The following PRH1 variants were observed in gnomAD, a reference collection of about 807,000 sequenced individuals.
PRH1 encodes salivary acidic proline-rich phosphoprotein 1/2.
Under a neutral mutation model 7.9 loss-of-function variants are expected in PRH1, and 7 were observed. That is an observed-to-expected ratio of 0.89 (90% CI 0.50 to 1.67). PRH1 has a LOEUF of 1.67. Among genes scored for constraint, PRH1 ranks in the 40% most tolerant of loss-of-function variants. The pLI, the probability that PRH1 is intolerant of heterozygous loss-of-function variation, is 0.00. For synonymous variants in PRH1, 45 were observed against 80.8 expected, an observed-to-expected ratio of 0.56 and a Z score of 2.38; for missense variants, 109 against 223.6, an observed-to-expected ratio of 0.49 and a Z score of 3.27.
At chr12:11,153,051 A>G (rs1211383167) in intron 1 of PRH1, among the ~76,000 whole-genome samples, 1 of 152,180 alleles carries the variant, frequency 6.6e-6, no homozygotes, top group African/African-American at 2.4e-5. Context: ...GCATGCGGTG[A>G]CACAACAGTT....
At chr12:10,922,512 G>T (rs563161792) in intron 2 of PRH1, among the ~76,000 whole-genome samples, 1 of 152,048 alleles carries the variant, frequency 6.6e-6, no homozygotes, top group Non-Finnish European at 1.5e-5. Flanking sequence ...CATGGAATCT[G>T]TTCTTTGTTA....
chr12:11,120,864 A>G (rs998973697), exon 2 of PRH1: 1 of 153,064 alleles, frequency 6.5e-6, no homozygotes, highest in Non-Finnish European at 1.5e-5. Flanking sequence ...TCTGAATTAC[A>G]GAGAACGGCT....
rs1941545453 is a variant in PRH1, at chr12:11,020,363, G to GATATATCTATATATATAT, written c.-126+26656_-126+26657insATATATATATAGATATAT. Among the ~76,000 whole-genome samples the GATATATCTATATATATAT allele has an allele frequency of 1.3e-3, 110 of 87,574 alleles. 2 individuals are homozygous for GATATATCTATATATATAT. The highest frequency in any genetic ancestry group is 8.8e-3 in the Middle Eastern group (1 of 114). 57.5% of individuals were successfully genotyped at this position (87,574 alleles called of 152,430 possible). On this transcript the variant is annotated intron_variant, in intron 1 of 3. Coordinates refer to the PRH1 transcript ENST00000539853. ...GTACTAGGGAGGACGTATGATAAGC[G>GATATATCTATATATATAT]ATATATATATATATATATATATATA... is the stretch of plus-strand genomic sequence containing the variant.
At chr12:11,102,469 C>CT (rs952288519) in intron 1 of PRH1, among the ~76,000 whole-genome samples, 2 of 142,308 alleles carry the variant, frequency 1.4e-5, no homozygotes, top group African/African-American at 5.2e-5. Flanking sequence ...ATAAATGGTG[C>CT]TGGAAAACTG....
chr12:10,997,935 G>T, intron 1 of PRH1: 1 of 1,081,794 alleles, frequency 9.2e-7, no homozygotes, highest in Non-Finnish European at 1.3e-6. Context: ...TGACTCCTCT[G>T]ATATTCAAGA....
intron 2 of PRH1, among the ~76,000 whole-genome samples, chr12:10,948,180 A>T (rs949231202): frequency 6.6e-6 from 1 of 152,246 alleles, no homozygotes; most frequent in African/African-American, 2.4e-5. Context: ...CTCTCTAGCA[A>T]GGTTGGGAAA....
At chr12:10,952,415 A>C (rs1937727595) in intron 2 of PRH1, among the ~76,000 whole-genome samples, 1 of 152,210 alleles carries the variant, frequency 6.6e-6, no homozygotes, top group Non-Finnish European at 1.5e-5. Context: ...TTTTCTGCAG[A>C]AAATGTAAAA....
Position 11,027,164 on chromosome 12 carries a change from C to T in PRH1, c.-126+19856G>A, listed in dbSNP as rs1202284429. Among the ~76,000 whole-genome samples, 8 of 150,880 alleles carry T rather than the reference C, an allele frequency of 5.3e-5. No individual in the cohort carries two copies. The East Asian group carries it at 9.7e-4, about 18-fold the overall frequency. On this transcript the variant is annotated intron_variant, in intron 1 of 3. Coordinates refer to the PRH1 transcript ENST00000539853. ...CCTGCAGTCCCAGCTGCTAGCAATG[C>T]AGAGGTGGGGGAATCACTTGAGCCC...
At chr12:11,151,967 C>T (rs766253236) in intron 1 of PRH1, among the ~76,000 whole-genome samples, 1 of 151,398 alleles carries the variant, frequency 6.6e-6, no homozygotes, top group Non-Finnish European at 1.5e-5. Context: ...GTAGCCAGAT[C>T]TAAAATTTTA....
At chr12:11,105,459 C>A (rs1322237244) in intron 1 of PRH1, among the ~76,000 whole-genome samples, 2 of 152,108 alleles carry the variant, frequency 1.3e-5, no homozygotes, top group African/African-American at 4.8e-5. Context: ...AGGAAAGCAT[C>A]TCAATATGCC....
intron 1 of PRH1, among the ~76,000 whole-genome samples, chr12:11,126,144 A>C (rs1222883299): frequency 6.6e-6 from 1 of 152,260 alleles, no homozygotes; most frequent in Non-Finnish European, 1.5e-5. Flanking sequence ...ATGTTACCAC[A>C]TCTTGGTCAT....
intron 2 of PRH1, among the ~76,000 whole-genome samples, chr12:10,950,904 A>G (rs1950560885): frequency 1.3e-5 from 2 of 152,194 alleles, no homozygotes; most frequent in South Asian, 4.1e-4. Context: ...AACACACATT[A>G]AAAAAGGGCA....
chr12:11,003,212 C>T (rs1940675945), intron 1 of PRH1, among the ~76,000 whole-genome samples: 2 of 151,924 alleles, frequency 1.3e-5, no homozygotes, highest in Non-Finnish European at 2.9e-5. Context: ...CAGCAAAACT[C>T]TAATTACGAT....
chr12:11,115,683 T>G (rs1056352216), intron 1 of PRH1, among the ~76,000 whole-genome samples: 6 of 152,058 alleles, frequency 3.9e-5, no homozygotes, highest in Non-Finnish European at 8.8e-5. Context: ...AAAATTGAAA[T>G]ATTACCAAGC....
chr12:10,938,759 A>G, intron 2 of PRH1: 1 of 1,613,938 alleles, frequency 6.2e-7, no homozygotes, highest in Non-Finnish European at 8.5e-7. Context: ...ATTTATATGG[A>G]TGTTTATCAG....
rs746101556 is a variant in PRH1 at position 10,997,699 on chromosome 12, G to A, written c.-125-23978C>T. The A allele has an allele frequency of 2.5e-6, 4 of 1,613,688 alleles. No homozygotes were observed. The African/African-American group carries it at 5.3e-5, about 22-fold the overall frequency. ...AATACCAATGTAATAATATTACCCA[G>A]AGCAAACCAACTCTGGAGACTGCCA... On this transcript the variant is annotated intron_variant, in intron 1 of 3. Coordinates refer to the PRH1 transcript ENST00000539853.
chr12:11,033,366 AAAAAC>A lies in PRH1; in HGVS notation c.-126+13649_-126+13653del, dbSNP rs77949516. ...TGGGCGACACAGCAAGACTCTGTCA[AAAAAC>A]AAAACAAAACAAAACAAAACAAAAC... On this transcript the variant is annotated intron_variant, in intron 1 of 3. Coordinates refer to the PRH1 transcript ENST00000539853. Among the ~76,000 whole-genome samples, 397 of 151,194 alleles carry A rather than the reference AAAAAC, an allele frequency of 2.6e-3. 5 individuals carry two copies. Among genetic ancestry groups the A allele is most frequent in the South Asian group, 0.012 (55 of 4,774 alleles).
At chr12:11,036,747 G>A (rs1942446548) in intron 1 of PRH1, among the ~76,000 whole-genome samples, 2 of 152,286 alleles carry the variant, frequency 1.3e-5, no homozygotes, top group South Asian at 2.1e-4. Flanking sequence ...TTCCCACAAT[G>A]ATGATCTTTT....
At chr12:10,993,551 C>A (rs555176049) in intron 1 of PRH1, among the ~76,000 whole-genome samples, 1 of 152,248 alleles carries the variant, frequency 6.6e-6, no homozygotes, top group East Asian at 1.9e-4. Flanking sequence ...TGCTGAAACA[C>A]CCTTTTAAAG....
Sources: gnomAD v4.1 joint callset for allele counts (sites outside exome capture counted in the v4.1 genomes callset) on GRCh38, gnomAD v4.1.1 for gene constraint, MANE v1.5 for transcripts, NCBI Gene and HGNC (gene_info 2026-07-23, HGNC 2026-07-21) for gene names.